The following EEF2KMT variants were observed in gnomAD, a reference collection of about 807,000 sequenced individuals.
EEF2KMT encodes the protein protein-lysine N-methyltransferase EEF2KMT.
A neutral mutation model predicts 35.1 loss-of-function variants in EEF2KMT; 30 were observed. That is an observed-to-expected ratio of 0.85 (90% CI 0.64 to 1.16). The LOEUF is 1.16. Ranked by LOEUF, EEF2KMT falls within the 50% of genes most tolerant of loss-of-function variation. The pLI, the probability that EEF2KMT is intolerant of heterozygous loss-of-function variation, is 0.00. For synonymous variants in EEF2KMT, 190 were observed against 187.7 expected, an observed-to-expected ratio of 1.01 and a Z score of -0.10; for missense variants, 499 against 438.2, an observed-to-expected ratio of 1.14 and a Z score of -1.24.
chr16:5,095,147 G>C (rs1042630537), intron 2 of EEF2KMT, among the ~76,000 whole-genome samples: 1 of 152,220 alleles, frequency 6.6e-6, no homozygotes, highest in African/African-American at 2.4e-5. Flanking sequence ...CCAAATGCTA[G>C]AAGCTGTTTT....
rs1375451701 is a variant in EEF2KMT at position 5,096,172 on chromosome 16, C to T, written c.97-658G>A. On this transcript the variant is annotated intron_variant, in intron 1 of 7. Coordinates refer to ENST00000427587, the MANE Select transcript of EEF2KMT (RefSeq NM_201400.4). ...GCCTTTGCATATCCTGTTCCCCAAGCCCTTCCCATGGCTGGCTGCTTCACC... is the reference window on the plus strand; with the variant it reads ...GCCTTTGCATATCCTGTTCCCCAAGTCCTTCCCATGGCTGGCTGCTTCACC... Among the ~76,000 whole-genome samples, 5 of 152,168 alleles carry T rather than the reference C, an allele frequency of 3.3e-5. No individual in the cohort carries two copies. The East Asian group carries it at 7.7e-4, about 23-fold the overall frequency.
intron 6 of EEF2KMT, 167 bp from the exon 7 acceptor site, chr16:5,089,423 G>T: frequency 7.5e-6 from 7 of 935,968 alleles, no homozygotes; most frequent in Non-Finnish European, 1.1e-5. Flanking sequence ...GGTGAAAAAG[G>T]AGAACCCTTA....
At position 5,089,134 on chromosome 16, in the gene EEF2KMT, T is replaced by C. The variant is rs768242412; in HGVS notation, c.865A>G (p.Thr289Ala). The change falls in exon 7 of 8, where the codon ACG (threonine) becomes GCG (alanine). Residue 289 changes from threonine to alanine, a missense_variant. Coordinates refer to ENST00000427587, the MANE Select transcript of EEF2KMT (RefSeq NM_201400.4). ...YVAFTVRNPE[T>A]CQLFTTELGR... is the part of the protein sequence containing the mutation. ...AGCTCGGTGGTGAACAGCTGGCACG[T>C]CTCTGGGTTGCGGACGGTAAAGGCC... 3.7e-6 allele frequency: 6 copies of C among 1,612,736 alleles called. No homozygotes were observed. Among genetic ancestry groups the C allele is most frequent in the Non-Finnish European group, 5.1e-6 (6 of 1,179,838 alleles).
At chr16:5,088,860 C>A (rs934959812) in intron 7 of EEF2KMT, among the ~76,000 whole-genome samples, 1 of 152,186 alleles carries the variant, frequency 6.6e-6, no homozygotes, top group African/African-American at 2.4e-5. Flanking sequence ...GGGAACCCTG[C>A]TCTGAAGCAC....
intron 1 of EEF2KMT, 61 bp from the exon 2 acceptor site, chr16:5,095,575 A>T: frequency 6.2e-7 from 1 of 1,607,380 alleles, no homozygotes; most frequent in Non-Finnish European, 8.5e-7. Context: ...TAAACACGCA[A>T]TAGAATGTGT....
At position 5,097,552 on chromosome 16, in the gene EEF2KMT, G is replaced by C. The variant is rs1270732045; in HGVS notation, c.96+92C>G. ...CGGGAGCCCAGGAACTCACGTGGCGGGAGCGCCAGGGGCTTCAGCACGGAG... is the reference window on the plus strand; with the variant it reads ...CGGGAGCCCAGGAACTCACGTGGCGCGAGCGCCAGGGGCTTCAGCACGGAG... On this transcript the variant is annotated intron_variant, in intron 1 of 7. Coordinates refer to ENST00000427587, the MANE Select transcript of EEF2KMT (RefSeq NM_201400.4). The C allele has an allele frequency of 6.6e-6, 10 of 1,510,780 alleles. No individual in the cohort carries two copies. The East Asian group carries it at 2.5e-4, about 38-fold the overall frequency. The allele number at this position is 1,510,780 out of a possible 1,614,324, so 93.6% of individuals were successfully genotyped here.
In EEF2KMT at chr16:5,090,268, G is replaced by A. The variant is rs762636404; in HGVS notation, c.558C>T (p.Phe186=). The A allele has an allele frequency of 1.1e-5, 18 of 1,611,922 alleles. No individual in the cohort carries two copies. Among genetic ancestry groups the A allele is most frequent in the Non-Finnish European group, 1.5e-5 (18 of 1,179,852 alleles). Residue 186 remains phenylalanine, a synonymous_variant, in exon 6 of 8, where the codon TTC becomes TTT. Transcript: ENST00000427587. The surrounding 1 kb of genome is among the most constrained non-coding windows in gnomAD (Gnocchi z 4.1). ...CAAGGACCCGGCTGTGACAGTCGCTGAAGATGTATGCCCGGGGGCGGCACA... is the reference window on the plus strand; with the variant it reads ...CAAGGACCCGGCTGTGACAGTCGCTAAAGATGTATGCCCGGGGGCGGCACA... ...CKMCRPRAYI[F]SDCHSRVLEQ... is the part of the protein sequence containing the mutation.
intron 1 of EEF2KMT, chr16:5,097,234 G>A: frequency 2.4e-6 from 3 of 1,235,990 alleles, no homozygotes; most frequent in African/African-American, 1.6e-5. Context: ...TGAGGCACGA[G>A]GGACAGCCTG....
intron 4 of EEF2KMT, among the ~76,000 whole-genome samples, chr16:5,091,473 C>T (rs112049296): frequency 0.083 from 12,635 of 152,234 alleles, 569 homozygotes; most frequent in Admixed American, 0.13. Context: ...CTTCGGCCTC[C>T]CAAAGCGCTG....
Position 5,085,763 on chromosome 16 carries a change from G to A in EEF2KMT, c.893-31C>T, listed in dbSNP as rs778492820. On this transcript the variant is annotated intron_variant, in intron 7 of 7. Transcript: ENST00000427587. ...AACAGAGCACATGTGTTTGAGGATG[G>A]CGGTGTTTGGGGACAGGACATGAGG... The A allele has an allele frequency of 3.9e-6, 6 of 1,541,596 alleles. No homozygotes were observed. In the East Asian group the frequency reaches 1.3e-4, roughly 35 times the overall value.
chr16:5,087,930 TTTTTTTA>T (rs925392297), intron 7 of EEF2KMT, among the ~76,000 whole-genome samples: 4 of 22,726 alleles, frequency 1.8e-4, no homozygotes, highest in Non-Finnish European at 5.2e-4. Context: ...TTCCTTTTTT[TTTTTTTA>T]TTTTTTATTT....
chr16:5,089,995 A>G, intron 6 of EEF2KMT, 89 bp downstream of exon 6: 1 of 1,566,482 alleles, frequency 6.4e-7, no homozygotes, highest in Non-Finnish European at 8.6e-7. Flanking sequence ...CATGCCCGAC[A>G]GCGTCCATTG....
intron 3 of EEF2KMT, among the ~76,000 whole-genome samples, chr16:5,092,943 C>T (rs1420422666): frequency 6.6e-6 from 1 of 152,056 alleles, no homozygotes; most frequent in African/African-American, 2.4e-5. Flanking sequence ...CTGGGCAACA[C>T]AGTGAGACTC....
At chr16:5,093,294 A>G (rs1438700472) in intron 3 of EEF2KMT, among the ~76,000 whole-genome samples, 190 bp downstream of exon 3, 1 of 152,206 alleles carries the variant, frequency 6.6e-6, no homozygotes, top group Non-Finnish European at 1.5e-5. Context: ...TGAGGGAGAG[A>G]TGCTGGCCTC....
At chr16:5,086,209 C>G (rs1283111560) in intron 7 of EEF2KMT, among the ~76,000 whole-genome samples, 1 of 152,024 alleles carries the variant, frequency 6.6e-6, no homozygotes, top group Non-Finnish European at 1.5e-5. Context: ...ATGGCGAGTG[C>G]CTGTAATCCC....
intron 1 of EEF2KMT, among the ~76,000 whole-genome samples, chr16:5,095,941 G>T (rs551990981): frequency 6.6e-6 from 1 of 152,014 alleles, no homozygotes; most frequent in East Asian, 1.9e-4. Context: ...TAGGCAGACT[G>T]TCTCGGCTGG....
chr16:5,091,529 T>C lies in EEF2KMT; in HGVS notation c.342+265A>G, dbSNP rs1194379840. Among the ~76,000 whole-genome samples the C allele has an allele frequency of 3.9e-5, 6 of 152,222 alleles. No homozygotes were observed. The East Asian group carries it at 1.2e-3, about 29-fold the overall frequency. ...CACGCCCAGCCCTGTCAAGTATTCTTTGAGGACTGGGCACCAGGTCCTTGT... is the reference window on the plus strand; with the variant it reads ...CACGCCCAGCCCTGTCAAGTATTCTCTGAGGACTGGGCACCAGGTCCTTGT... On this transcript the variant is annotated intron_variant, in intron 4 of 7. Transcript: ENST00000427587.
intron 4 of EEF2KMT, among the ~76,000 whole-genome samples, chr16:5,091,104 A>T (rs1481070509): frequency 6.6e-6 from 1 of 151,358 alleles, no homozygotes; most frequent in African/African-American, 2.4e-5. Flanking sequence ...TTTTTGAGAC[A>T]GAGATTTGCT....
chr16:5,089,504 C>G (rs1957295134), intron 6 of EEF2KMT: 3 of 598,450 alleles, frequency 5.0e-6, no homozygotes, highest in Non-Finnish European at 5.8e-6. Flanking sequence ...CTTAAAAAAC[C>G]AGCTCTGGTT....
Sources: allele counts gnomAD v4.1 joint callset (sites outside exome capture counted in the v4.1 genomes callset), GRCh38; gene constraint gnomAD v4.1.1; non-coding constraint Gnocchi (gnomAD v3.1); transcripts MANE v1.5; gene names NCBI Gene and HGNC (gene_info 2026-07-23, HGNC 2026-07-21).